Variants in VCAN observed in about 807,000 individuals in gnomAD.
The protein encoded by VCAN is versican.
Under a neutral mutation model 245.5 loss-of-function variants are expected in VCAN, and 44 were observed. The ratio of observed to expected loss-of-function variants is 0.18; its 90% CI spans 0.14 to 0.23. The LOEUF (loss-of-function observed/expected upper bound fraction) is 0.23, where lower values mean the gene tolerates loss of function less well. Ranked by LOEUF, VCAN falls within the 10% of genes least tolerant of loss-of-function variation. VCAN has a pLI of 1.00. For missense variants in VCAN, 3,793 were observed against 4,057.9 expected (o/e 0.93, Z 1.77); for synonymous variants, 1,413 against 1,437.0 (o/e 0.98, Z 0.38).
At chr5:83,486,323 A>G (rs1013476777) in intron 2 of VCAN, among the ~76,000 whole-genome samples, 2 of 152,214 alleles carry the variant, frequency 1.3e-5, no homozygotes, top group Admixed American at 1.3e-4. Flanking sequence ...GACAGCACTT[A>G]GTCATTTTGT....
chr5:83,557,665 C>T (rs1253538011), intron 12 of VCAN, among the ~76,000 whole-genome samples: 2 of 152,042 alleles, frequency 1.3e-5, no homozygotes, highest in East Asian at 3.9e-4. Flanking sequence ...TAGAAAGGTC[C>T]TAAACGTGGT....
At chr5:83,545,378 T>C (rs1747164987) in intron 8 of VCAN, among the ~76,000 whole-genome samples, 159 bp from the exon 9 acceptor site, 1 of 152,104 alleles carries the variant, frequency 6.6e-6, no homozygotes, top group South Asian at 2.1e-4. Flanking sequence ...CAAGAAACAC[T>C]CCAGAGAGTA....
chr5:83,567,148 T>C (rs1748111558), intron 12 of VCAN, among the ~76,000 whole-genome samples: 1 of 152,134 alleles, frequency 6.6e-6, no homozygotes, highest in South Asian at 2.1e-4. Flanking sequence ...GAGAACTAGT[T>C]ATTTAATTGG....
At chr5:83,579,940 CTTAGA>C in intron 13 of VCAN, 35 bp from the exon 14 acceptor site, 1 of 1,603,482 alleles carries the variant, frequency 6.2e-7, no homozygotes, top group Non-Finnish European at 8.5e-7. Flanking sequence ...AGTTGAAATA[CTTAGA>C]TTATTTGGAA....
At chr5:83,557,917 A>G (rs1222471073) in intron 12 of VCAN, among the ~76,000 whole-genome samples, 1 of 152,186 alleles carries the variant, frequency 6.6e-6, no homozygotes, top group Middle Eastern at 3.2e-3. Flanking sequence ...AGTTTATCAA[A>G]GAAATGACAC....
chr5:83,515,094 A>G (rs748892500), intron 6 of VCAN, among the ~76,000 whole-genome samples: 11 of 152,270 alleles, frequency 7.2e-5, no homozygotes, highest in South Asian at 2.1e-4. Context: ...GACAGATAAA[A>G]GACATAAAAT....
At position 83,520,822 on chromosome 5, in the gene VCAN, A is replaced by G. The variant is rs199934725; in HGVS notation, c.2516A>G (p.Lys839Arg). ...CTCACAACTGTGGGGATGAATGGAA[A>G]GGATAAAGACATCCCAAGTTTCACT... ...ALLTTVGMNG[K>R]DKDIPSFTED... The change falls in exon 7 of 15, where the codon AAG (lysine) becomes AGG (arginine). Residue 839 changes from lysine to arginine, a missense_variant. Coordinates refer to ENST00000265077, the MANE Select transcript of VCAN (RefSeq NM_004385.5). 4 of 1,614,154 alleles carry G rather than the reference A, an allele frequency of 2.5e-6. No individual in the cohort carries two copies. Among genetic ancestry groups the G allele is most frequent in the Non-Finnish European group, 3.4e-6 (4 of 1,179,988 alleles).
At position 83,540,013 on chromosome 5, in the gene VCAN, G is replaced by T. The variant is rs772149513; in HGVS notation, c.7010G>T (p.Ser2337Ile). 6.2e-7 allele frequency: 1 copy of T among 1,613,970 alleles called. No individual in the cohort carries two copies. The highest frequency in any genetic ancestry group is 1.1e-5 in the South Asian group (1 of 91,090). Reference protein sequence around the residue: ...VTSTTLIEILSDTGAEGPTVA... With the variant: ...VTSTTLIEILIDTGAEGPTVA... ...AGCACAACATTAATAGAAATTTTAA[G>T]TGACACTGGAGCAGAAGGACCCACG... Residue 2337 changes from serine (S) to isoleucine (I), a missense_variant, in exon 8 of 15, where the codon AGT becomes ATT. Ser to Ile is a moderately radical substitution (Grantham distance 142). Transcript: ENST00000265077.
chr5:83,479,080 AT>A (rs1398936770), intron 1 of VCAN, among the ~76,000 whole-genome samples: 1 of 152,112 alleles, frequency 6.6e-6, no homozygotes, highest in Non-Finnish European at 1.5e-5. Context: ...AATTCATGAA[AT>A]TTCACACCTA....
At position 83,580,544 on chromosome 5, in the gene VCAN, C is replaced by T. The variant is rs1580087134; in HGVS notation, c.*110C>T. 3.3e-6 allele frequency: 5 copies of T among 1,524,992 alleles called. No individual in the cohort carries two copies. In the East Asian group the frequency reaches 1.2e-4, roughly 37 times the overall value. 94.5% of individuals were successfully genotyped at this position (1,524,992 alleles called of 1,614,324 possible). On this transcript the variant is annotated 3_prime_UTR_variant, in exon 15 of 15. Coordinates refer to ENST00000265077, the MANE Select transcript of VCAN (RefSeq NM_004385.5). Reference sequence around the variant, plus strand: ...TATCAGTTGGTTTGGATTTTTGGACCACCGTTCAGTCATTTTGGGTTGCCG... The same window carrying T: ...TATCAGTTGGTTTGGATTTTTGGACTACCGTTCAGTCATTTTGGGTTGCCG...
Position 83,540,321 on chromosome 5 carries a change from G to C in VCAN, c.7318G>C (p.Asp2440His), listed in dbSNP as rs1746919306. 1 of 1,614,004 alleles carries C rather than the reference G, an allele frequency of 6.2e-7. No individual in the cohort carries two copies. Among genetic ancestry groups the C allele is most frequent in the Non-Finnish European group, 8.5e-7 (1 of 1,179,962 alleles). ...AGGATCTGGAGAAGTGGATATTGTT[G>C]ATTCATTTCACACTTCTGCAACTAC... ...GEGSGEVDIV[D>H]SFHTSATTQA... The change falls in exon 8 of 15, where the codon GAT (aspartate) becomes CAT (histidine). Residue 2440 changes from aspartate to histidine, a missense_variant. By Grantham distance (81) the Asp-to-His change is moderately conservative (BLOSUM62 -1). Coordinates refer to ENST00000265077, the MANE Select transcript of VCAN (RefSeq NM_004385.5).
chr5:83,555,531 A>G (rs1747638117), intron 12 of VCAN, among the ~76,000 whole-genome samples: 2 of 152,196 alleles, frequency 1.3e-5, no homozygotes, highest in Admixed American at 6.5e-5. Context: ...CCAACTAATT[A>G]CATATTTCAA....
At chr5:83,474,346 G>A (rs1480698393) in intron 1 of VCAN, among the ~76,000 whole-genome samples, 1 of 152,158 alleles carries the variant, frequency 6.6e-6, no homozygotes, top group Non-Finnish European at 1.5e-5. Flanking sequence ...GGAAGGGTTC[G>A]TTTCGGGGTT....
intron 5 of VCAN, among the ~76,000 whole-genome samples, chr5:83,501,673 A>G (rs1745333309): frequency 6.6e-6 from 1 of 152,152 alleles, no homozygotes; most frequent in Admixed American, 6.5e-5. Context: ...CCAGTACCAC[A>G]ATGTCTTTAT....
chr5:83,472,340 T>C (rs1216328399), intron 1 of VCAN, among the ~76,000 whole-genome samples: 1 of 151,688 alleles, frequency 6.6e-6, no homozygotes, highest in Non-Finnish European at 1.5e-5. Flanking sequence ...CATAGAAAAG[T>C]GGTGGGTTCT....
chr5:83,514,346 T>C (rs564709414), intron 6 of VCAN, among the ~76,000 whole-genome samples: 1 of 152,300 alleles, frequency 6.6e-6, no homozygotes, highest in East Asian at 1.9e-4. Context: ...TTTAGCCATA[T>C]AGAAGCCTTT....
At chr5:83,494,693 C>T (rs945440982) in intron 5 of VCAN, among the ~76,000 whole-genome samples, 2 of 152,234 alleles carry the variant, frequency 1.3e-5, no homozygotes, top group Non-Finnish European at 2.9e-5. Flanking sequence ...TGGCTCACGC[C>T]TGTAGTCCCA....
At chr5:83,550,940 T>G (rs1241712644) in intron 10 of VCAN, among the ~76,000 whole-genome samples, 1 of 149,600 alleles carries the variant, frequency 6.7e-6, no homozygotes, top group East Asian at 1.9e-4. Context: ...GCTTTGTTTT[T>G]TTTTTTTTTA....
At chr5:83,565,390 G>GGTGTGT (rs6149088) in intron 12 of VCAN, among the ~76,000 whole-genome samples, 144 of 149,236 alleles carry the variant, frequency 9.6e-4, no homozygotes, top group African/African-American at 3.2e-3. Flanking sequence ...TATGTGTAAG[G>GGTGTGT]GTGTGTGTGT....
Sources: gnomAD v4.1 joint callset for allele counts (sites outside exome capture counted in the v4.1 genomes callset) on GRCh38, gnomAD v4.1.1 for gene constraint, MANE v1.5 for transcripts, NCBI Gene and HGNC (gene_info 2026-07-23, HGNC 2026-07-21) for gene names.